PARD3: variants seen among roughly 807,000 people sequenced by gnomAD.
PARD3 encodes partitioning defective 3 homolog.
A neutral mutation model predicts 155.4 loss-of-function variants in PARD3; 75 were observed. The observed-to-expected ratio is 0.48, with a 90% CI of 0.40 to 0.58. The LOEUF (loss-of-function observed/expected upper bound fraction) is 0.58. PARD3 is among the 20% of genes least tolerant of loss of function. PARD3 has a pLI of 0.00. For synonymous variants in PARD3, 576 were observed against 610.5 expected (o/e 0.94, Z 0.83); for missense variants, 1,642 against 1,721.7 (o/e 0.95, Z 0.82).
chr10:34,741,210 A>G (rs2095011165), intron 1 of PARD3, among the ~76,000 whole-genome samples: 1 of 117,492 alleles, frequency 8.5e-6, no homozygotes, highest in African/African-American at 3.0e-5. Flanking sequence ...AGAGAGAGTG[A>G]GTCTCACTCT....
At chr10:34,263,570 G>C (rs1269725174) in intron 22 of PARD3, among the ~76,000 whole-genome samples, 1 of 152,168 alleles carries the variant, frequency 6.6e-6, no homozygotes, top group Non-Finnish European at 1.5e-5. Context: ...GATGTGGGAG[G>C]ATTGCTTAAG....
intron 22 of PARD3, among the ~76,000 whole-genome samples, chr10:34,141,758 G>C (rs927440317): frequency 6.6e-6 from 1 of 152,164 alleles, no homozygotes; most frequent in African/African-American, 2.4e-5. Context: ...TCCAGCAACA[G>C]AGAACATGCA....
At chr10:34,476,845 AG>A (rs2078741757) in intron 3 of PARD3, among the ~76,000 whole-genome samples, 2 of 152,230 alleles carry the variant, frequency 1.3e-5, no homozygotes, top group Non-Finnish European at 2.9e-5. Context: ...ATGGTGCAGT[AG>A]TAGTCACAAA....
chr10:34,487,752 T>C lies in PARD3; in HGVS notation c.404-17489A>G, dbSNP rs79380256. ...TCTAAATTAATTCTTCACATATAAT[T>C]TTATAGGTATATCTGCACCAAATTC... On this transcript the variant is annotated intron_variant, in intron 3 of 24. Coordinates refer to ENST00000374788, the MANE Select transcript of PARD3 (RefSeq NM_001184785.2). Among the ~76,000 whole-genome samples, 144 of 152,266 alleles carry C rather than the reference T, an allele frequency of 9.5e-4. 3 individuals carry two copies. The East Asian group carries it at 0.022, about 23-fold the overall frequency.
chr10:34,517,797 T>C (rs1363834907), intron 2 of PARD3, among the ~76,000 whole-genome samples: 1 of 152,112 alleles, frequency 6.6e-6, no homozygotes. Flanking sequence ...AAACAGAAGT[T>C]ACAGAGAAGA....
Position 34,111,185 on chromosome 10 carries a change from C to T in PARD3, c.4046G>A (p.Arg1349Lys). ...TTTGCGTGCTCAGGAATAGAAGGGC[C>T]TCCCTTTCTCAGGAGTCTGAAGTCT... The part of the protein sequence containing the change: ...LNRLQTPEKG[R>K]PFYS The change falls in exon 25 of 25, where the codon AGG becomes AAG. Residue 1349 changes from arginine (R) to lysine (K), a missense_variant. Arg to Lys is a conservative substitution (Grantham distance 26). Transcript: ENST00000374788. 1 of 1,555,744 alleles carries T rather than the reference C, an allele frequency of 6.4e-7. No individual in the cohort carries two copies. The highest frequency in any genetic ancestry group is 8.7e-7 in the Non-Finnish European group (1 of 1,148,402).
intron 2 of PARD3, among the ~76,000 whole-genome samples, chr10:34,592,705 T>C (rs746209981): frequency 1.3e-5 from 2 of 152,000 alleles, no homozygotes; most frequent in African/African-American, 4.8e-5. Flanking sequence ...GAACCCGGAG[T>C]TGGAGGTTGC....
chr10:34,671,487 T>G (rs1212286726), intron 2 of PARD3, among the ~76,000 whole-genome samples: 1 of 152,202 alleles, frequency 6.6e-6, no homozygotes, highest in Non-Finnish European at 1.5e-5. Context: ...GCATTTCATA[T>G]TAAAACATAG....
intron 23 of PARD3, among the ~76,000 whole-genome samples, chr10:34,123,281 G>A (rs1301650130): frequency 2.7e-5 from 4 of 147,880 alleles, no homozygotes; most frequent in Non-Finnish European, 6.0e-5. Context: ...AAAACCACAA[G>A]TGAAAAATAT....
At chr10:34,563,752 A>G (rs1257241376) in intron 2 of PARD3, among the ~76,000 whole-genome samples, 2 of 152,038 alleles carry the variant, frequency 1.3e-5, no homozygotes, top group African/African-American at 4.8e-5. Context: ...GATGGTCTCG[A>G]TCTCTTGACC....
chr10:34,380,851 T>C (rs1269146674), intron 9 of PARD3, among the ~76,000 whole-genome samples: 1 of 152,204 alleles, frequency 6.6e-6, no homozygotes, highest in Non-Finnish European at 1.5e-5. Flanking sequence ...TTTAGAGATA[T>C]CAAGCAGAAT....
chr10:34,610,591 G>C (rs2090812616), intron 2 of PARD3, among the ~76,000 whole-genome samples: 1 of 152,198 alleles, frequency 6.6e-6, no homozygotes, highest in South Asian at 2.1e-4. Context: ...ATTCTCAGGA[G>C]CCAGTATGAT....
At chr10:34,130,933 T>C (rs911070543) in intron 23 of PARD3, among the ~76,000 whole-genome samples, 4 of 152,110 alleles carry the variant, frequency 2.6e-5, no homozygotes, top group Non-Finnish European at 4.4e-5. Flanking sequence ...TGGTGGCACT[T>C]GCCTATAGTC....
chr10:34,294,183 G>C (rs757284374), intron 20 of PARD3, among the ~76,000 whole-genome samples: 1 of 152,182 alleles, frequency 6.6e-6, no homozygotes, highest in Admixed American at 6.5e-5. Context: ...TGCTTATGAG[G>C]TAGTACAAAC....
chr10:34,743,939 C>T (rs1209779663), intron 1 of PARD3, among the ~76,000 whole-genome samples: 1 of 152,184 alleles, frequency 6.6e-6, no homozygotes, highest in Admixed American at 6.5e-5. Context: ...CACAGACTCC[C>T]TTTGCACTCA....
At chr10:34,723,269 G>A (rs1399894225) in intron 1 of PARD3, among the ~76,000 whole-genome samples, 1 of 152,126 alleles carries the variant, frequency 6.6e-6, no homozygotes, top group Non-Finnish European at 1.5e-5. Context: ...TAGGAGGCCT[G>A]GGCAACAGAG....
At chr10:34,738,041 G>A (rs762418317) in intron 1 of PARD3, among the ~76,000 whole-genome samples, 9 of 152,190 alleles carry the variant, frequency 5.9e-5, no homozygotes, top group Non-Finnish European at 1.3e-4. Flanking sequence ...GCCTCATACA[G>A]GATATGGGTC....
chr10:34,156,601 A>G (rs1949015766), intron 22 of PARD3, among the ~76,000 whole-genome samples: 1 of 152,114 alleles, frequency 6.6e-6, no homozygotes, highest in Non-Finnish European at 1.5e-5. Context: ...CCACAAGAAA[A>G]CTCGGAAGCG....
chr10:34,509,396 T>C (rs2081274368), intron 3 of PARD3, among the ~76,000 whole-genome samples: 1 of 152,148 alleles, frequency 6.6e-6, no homozygotes, highest in Admixed American at 6.5e-5. Context: ...TTCTCCATGG[T>C]CAACAGCCCC....
Sources: allele counts gnomAD v4.1 joint callset (sites outside exome capture counted in the v4.1 genomes callset), GRCh38; gene constraint gnomAD v4.1.1; transcripts MANE v1.5; gene names NCBI Gene and HGNC (gene_info 2026-07-23, HGNC 2026-07-21).